The following INTU variants were observed in gnomAD, a reference collection of about 807,000 sequenced individuals.
INTU encodes protein inturned.
INTU carries 68 observed loss-of-function variants against 100.5 expected under a neutral mutation model. The ratio of observed to expected loss-of-function variants is 0.68; its 90% CI spans 0.56 to 0.83. The LOEUF (loss-of-function observed/expected upper bound fraction) is 0.83. Among genes scored for constraint, INTU ranks in the 40% least tolerant of loss-of-function variants. The pLI is 0.00. For missense variants in INTU, 1,071 were observed against 1,114.7 expected (o/e 0.96, Z 0.56); for synonymous variants, 357 against 395.7 (o/e 0.90, Z 1.16).
In INTU at chr4:127,674,230, CT is replaced by C; in HGVS notation, c.1181+19del. ...TGCTGAAGAGTAAGTTGAGGTTTTGCTTACCTTAAAATCATTTCCAAATAAT... is the reference window on the plus strand; with the variant it reads ...TGCTGAAGAGTAAGTTGAGGTTTTGCTACCTTAAAATCATTTCCAAATAAT... On this transcript the variant is annotated intron_variant, in intron 6 of 15. Coordinates refer to ENST00000335251, the MANE Select transcript of INTU (RefSeq NM_015693.4). The C allele has an allele frequency of 6.4e-7, 1 of 1,566,974 alleles. No homozygotes were observed. Among genetic ancestry groups the C allele is most frequent in the Non-Finnish European group, 8.7e-7 (1 of 1,146,308 alleles).
At chr4:127,678,311 A>G (rs2126218930) in intron 6 of INTU, among the ~76,000 whole-genome samples, 1 of 152,288 alleles carries the variant, frequency 6.6e-6, no homozygotes, top group Middle Eastern at 3.4e-3. Context: ...AGATTCACCA[A>G]AGTTGAAATG....
intron 14 of INTU, among the ~76,000 whole-genome samples, chr4:127,712,424 A>G (rs1731126978): frequency 6.6e-6 from 1 of 152,146 alleles, no homozygotes; most frequent in Non-Finnish European, 1.5e-5. Flanking sequence ...TTATTTGATA[A>G]TATTTAGTAA....
chr4:127,660,537 G>A (rs1275995621), intron 3 of INTU, among the ~76,000 whole-genome samples: 2 of 152,326 alleles, frequency 1.3e-5, no homozygotes, highest in East Asian at 1.9e-4. Flanking sequence ...GGTCCCATCT[G>A]TGAAGAGGAT....
At chr4:127,676,590 A>T (rs1322351609) in intron 6 of INTU, among the ~76,000 whole-genome samples, 1 of 148,488 alleles carries the variant, frequency 6.7e-6, no homozygotes, top group Non-Finnish European at 1.5e-5. Context: ...TGTCTCAAAA[A>T]AAAAAAAAAA....
At chr4:127,656,080 C>G (rs1032765361) in intron 2 of INTU, among the ~76,000 whole-genome samples, 2 of 152,266 alleles carry the variant, frequency 1.3e-5, no homozygotes, top group African/African-American at 2.4e-5. Context: ...CCTGCTTTGG[C>G]TTGCACACGG....
chr4:127,651,375 C>T (rs1321380900), intron 2 of INTU, among the ~76,000 whole-genome samples: 10 of 152,244 alleles, frequency 6.6e-5, no homozygotes, highest in Middle Eastern at 3.4e-3. Flanking sequence ...GGCTTTAATC[C>T]ATCTTGAATT....
In INTU at chr4:127,687,848, C is replaced by A; in HGVS notation, c.1430C>A (p.Thr477Lys). Residue 477 changes from threonine (T) to lysine (K), a missense_variant, in exon 8 of 16, where the codon ACA becomes AAA. Physicochemically the swap from Thr to Lys is moderately conservative, Grantham distance 78. Transcript: ENST00000335251. ...LDNLPGVRWL[T>K]LPLEIKMELD... ...AACCTCCCTGGAGTCCGGTGGCTCACACTTCCACTGGAAATCAAGGTAATC... is the reference window on the plus strand; with the variant it reads ...AACCTCCCTGGAGTCCGGTGGCTCAAACTTCCACTGGAAATCAAGGTAATC... 1.3e-6 allele frequency: 2 copies of A among 1,582,932 alleles called. No homozygotes were observed.
Position 127,684,486 on chromosome 4 carries a change from G to C in INTU, c.1259G>C (p.Ser420Thr). The part of the protein sequence containing the change: ...TLKFMYGSLD[S>T]AFCQIENVPR... ...AAATTTATGTATGGTTCTTTAGATA[G>C]GTAAGTACTTCTTCAAATTGAATCT... The change falls in exon 7 of 16, where the codon AGT (serine) becomes ACT (threonine). Residue 420 changes from serine to threonine, a missense_variant and splice_region_variant. Coordinates refer to ENST00000335251, the MANE Select transcript of INTU (RefSeq NM_015693.4). 2 of 1,462,744 alleles carry C rather than the reference G, an allele frequency of 1.4e-6. No homozygotes were observed. The highest frequency in any genetic ancestry group is 9.5e-7 in the Non-Finnish European group (1 of 1,054,484). The allele number at this position is 1,462,744 out of a possible 1,614,324, so 90.6% of individuals were successfully genotyped here. A position where few individuals can be genotyped will look rare whatever the true frequency, so the allele number is the denominator to read the frequency against.
intron 2 of INTU, among the ~76,000 whole-genome samples, chr4:127,648,841 G>T: frequency 6.6e-6 from 1 of 150,978 alleles, no homozygotes; most frequent in African/African-American, 2.4e-5. Context: ...TTTTCCAAGT[G>T]GACTTCAAGT....
intron 8 of INTU, among the ~76,000 whole-genome samples, chr4:127,691,355 T>C (rs1055683319): frequency 4.6e-5 from 7 of 152,186 alleles, no homozygotes; most frequent in Non-Finnish European, 8.8e-5. Flanking sequence ...TCTTCCAAAG[T>C]GGCTGTATTT....
At chr4:127,686,803 A>G (rs914884427) in intron 7 of INTU, 1 of 152,164 alleles carries the variant, frequency 6.6e-6, no homozygotes, top group African/African-American at 2.4e-5. Context: ...TGATATTTTT[A>G]CTGCCATACC....
At chr4:127,663,101 AGACT>A (rs1728542510) in intron 3 of INTU, among the ~76,000 whole-genome samples, 1 of 152,210 alleles carries the variant, frequency 6.6e-6, no homozygotes, top group Admixed American at 6.5e-5. Context: ...TCAACAATTT[AGACT>A]GCAATGATTA....
At chr4:127,692,270 A>G (rs1283744825) in intron 8 of INTU, among the ~76,000 whole-genome samples, 1 of 151,450 alleles carries the variant, frequency 6.6e-6, no homozygotes, top group Non-Finnish European at 1.5e-5. Context: ...ATTTTTTTTT[A>G]TTATGGCCAT....
intron 3 of INTU, among the ~76,000 whole-genome samples, chr4:127,657,025 G>A (rs1055581612): frequency 1.3e-5 from 2 of 151,964 alleles, no homozygotes; most frequent in Admixed American, 6.6e-5. Flanking sequence ...GTGACAATCT[G>A]GTTCCTAGAA....
At chr4:127,653,908 G>C (rs1728040259) in intron 2 of INTU, among the ~76,000 whole-genome samples, 3 of 151,916 alleles carry the variant, frequency 2.0e-5, no homozygotes, top group Admixed American at 2.0e-4. Context: ...GGGTGCTCCC[G>C]TGTTGGGTGC....
chr4:127,686,331 T>C (rs1427128467), intron 7 of INTU: 11 of 152,282 alleles, frequency 7.2e-5, no homozygotes, highest in Non-Finnish European at 1.5e-4. Flanking sequence ...TCTTTATTAT[T>C]GCCCTGTCCA....
At chr4:127,639,443 A>G (rs1727214116) in intron 1 of INTU, among the ~76,000 whole-genome samples, 1 of 152,110 alleles carries the variant, frequency 6.6e-6, no homozygotes, top group Non-Finnish European at 1.5e-5. Context: ...AGTGGGGATT[A>G]TCTATATGTA....
At chr4:127,655,055 C>T (rs1235318907) in intron 2 of INTU, among the ~76,000 whole-genome samples, 1 of 152,122 alleles carries the variant, frequency 6.6e-6, no homozygotes, top group Non-Finnish European at 1.5e-5. Context: ...AGTTCTCGAG[C>T]CTTGGTTTTT....
At position 127,714,084 on chromosome 4, in the gene INTU, G is replaced by T; in HGVS notation, c.2708G>T (p.Trp903Leu). The T allele has an allele frequency of 6.2e-7, 1 of 1,609,346 alleles. No individual in the cohort carries two copies. Among genetic ancestry groups the T allele is most frequent in the Non-Finnish European group, 8.5e-7 (1 of 1,178,730 alleles). Residue 903 changes from tryptophan (W) to leucine (L), a missense_variant, in exon 15 of 16, where the codon TGG (tryptophan) becomes TTG (leucine). Coordinates refer to ENST00000335251, the MANE Select transcript of INTU (RefSeq NM_015693.4). ...AAAGCACCACCAGTTATGGCTTACT[G>T]GGTAGTAGGGTAAGTGAGAAAAAAA... ...QKKAPPVMAY[W>L]VVGRLFLHPK...
Sources: gnomAD v4.1 joint callset for allele counts (sites outside exome capture counted in the v4.1 genomes callset) on GRCh38, gnomAD v4.1.1 for gene constraint, MANE v1.5 for transcripts, NCBI Gene and HGNC (gene_info 2026-07-23, HGNC 2026-07-21) for gene names.